FMN1: variants seen among roughly 807,000 people sequenced by gnomAD.
The protein encoded by FMN1 is formin-1.
Under a neutral mutation model 132.4 loss-of-function variants are expected in FMN1, and 110 were observed. That is an observed-to-expected ratio of 0.83 (90% CI 0.71 to 0.97). The LOEUF is 0.97. FMN1 is among the 50% of genes least tolerant of loss of function. FMN1 has a pLI of 0.00. For missense variants in FMN1, 1,792 were observed against 1,705.3 expected (o/e 1.05, Z -0.90); for synonymous variants, 722 against 651.7 (o/e 1.11, Z -1.64).
chr15:32,964,115 C>T lies in FMN1; in HGVS notation c.3130G>A (p.Val1044Ile). 2 of 1,609,044 alleles carry T rather than the reference C, an allele frequency of 1.2e-6. No homozygotes were observed. Among genetic ancestry groups the T allele is most frequent in the Non-Finnish European group, 1.7e-6 (2 of 1,177,844 alleles). The change falls in exon 9 of 21, where the codon GTC becomes ATC. Residue 1044 changes from valine to isoleucine, a missense_variant. Physicochemically the swap from Val to Ile is conservative, Grantham distance 29. Coordinates refer to ENST00000616417, the MANE Select transcript of FMN1 (RefSeq NM_001277313.2). ...CCATAATCACTCAGTACCTTTTTGA[C>T]CTTGTTTTTCTTCTCATAAGTCTCT... ...LSETYEKKNK[V>I]KKIIKLLDGK...
chr15:33,112,220 T>C (rs940311968), intron 4 of FMN1, among the ~76,000 whole-genome samples: 15 of 152,124 alleles, frequency 9.9e-5, no homozygotes, highest in African/African-American at 3.4e-4. Context: ...CCCTTAAAAT[T>C]ATAAAGGTAT....
chr15:32,932,256 T>A (rs2140390400), intron 9 of FMN1, among the ~76,000 whole-genome samples: 1 of 152,126 alleles, frequency 6.6e-6, no homozygotes, highest in South Asian at 2.1e-4. Context: ...AAAAATTAGC[T>A]GTGCATGGAG....
At position 32,891,069 on chromosome 15, in the gene FMN1, G is replaced by C. The variant is rs373833301; in HGVS notation, c.3715-2777C>G. 8.6e-4 allele frequency among the ~76,000 whole-genome samples: 131 copies of C among 152,128 alleles called. No individual in the cohort carries two copies. The South Asian group carries it at 0.026, about 30-fold the overall frequency. On this transcript the variant is annotated intron_variant, in intron 15 of 20. Coordinates refer to ENST00000616417, the MANE Select transcript of FMN1 (RefSeq NM_001277313.2). Reference sequence around the variant, plus strand: ...CTGTAAGTATTTGGGTTTATTTCTGGGTTTTCTGTTCTGTTCCATTGGTCT... The same window carrying C: ...CTGTAAGTATTTGGGTTTATTTCTGCGTTTTCTGTTCTGTTCCATTGGTCT...
At chr15:32,963,115 T>TC (rs578176278) in intron 9 of FMN1, among the ~76,000 whole-genome samples, 25 of 149,492 alleles carry the variant, frequency 1.7e-4, no homozygotes, top group Admixed American at 1.1e-3. Context: ...AATGATAGAC[T>TC]GGATTAAGAA....
At chr15:33,079,292 A>G (rs767530958) in intron 5 of FMN1, among the ~76,000 whole-genome samples, 5 of 152,246 alleles carry the variant, frequency 3.3e-5, no homozygotes, top group African/African-American at 1.2e-4. Context: ...AGGTGATGCA[A>G]TAATTTAGCC....
rs565072235 is a variant in FMN1 at position 32,936,704 on chromosome 15, G to C, written c.3139-10443C>G. ...GAAAGAAGGAAGGAAGGAGAAGAAA[G>C]AAGGAAAGGAAGGAAGGAGAAGAAG... On this transcript the variant is annotated intron_variant, in intron 9 of 20. Transcript: ENST00000616417. Among the ~76,000 whole-genome samples, 3 of 151,826 alleles carry C rather than the reference G, an allele frequency of 2.0e-5. No homozygotes were observed. The South Asian group carries it at 6.2e-4, about 32-fold the overall frequency.
chr15:32,823,228 C>G (rs1050458722), intron 17 of FMN1, among the ~76,000 whole-genome samples: 1 of 135,910 alleles, frequency 7.4e-6, no homozygotes, highest in African/African-American at 2.8e-5. Context: ...GTGGCTCAAT[C>G]TCGGCTCACT....
chr15:33,114,948 T>C (rs1261452825), intron 4 of FMN1, among the ~76,000 whole-genome samples: 1 of 152,168 alleles, frequency 6.6e-6, no homozygotes, highest in African/African-American at 2.4e-5. Context: ...AGGGGTCTGG[T>C]GGCTGGGCAG....
At chr15:33,167,290 T>C (rs1595592079) in intron 3 of FMN1, among the ~76,000 whole-genome samples, 1 of 152,234 alleles carries the variant, frequency 6.6e-6, no homozygotes, top group East Asian at 1.9e-4. Context: ...TAAATGGAAG[T>C]TCCCCTGTAC....
chr15:33,035,128 C>G (rs537401704), intron 6 of FMN1, among the ~76,000 whole-genome samples: 1 of 152,226 alleles, frequency 6.6e-6, no homozygotes, highest in East Asian at 1.9e-4. Flanking sequence ...TTGTGATACA[C>G]ATACATATGT....
At chr15:33,006,837 C>T (rs1367065464) in intron 7 of FMN1, among the ~76,000 whole-genome samples, 4 of 151,888 alleles carry the variant, frequency 2.6e-5, no homozygotes, top group African/African-American at 4.8e-5. Context: ...CTAAAAAAGT[C>T]GAACTCGCAG....
chr15:32,886,538 T>G (rs1397233465), intron 16 of FMN1, among the ~76,000 whole-genome samples: 1 of 152,182 alleles, frequency 6.6e-6, no homozygotes, highest in South Asian at 2.1e-4. Context: ...CGCCTCCCAG[T>G]TCACTCCTCT....
chr15:33,122,940 T>TTA (rs1458325056), intron 4 of FMN1, among the ~76,000 whole-genome samples: 3 of 152,086 alleles, frequency 2.0e-5, no homozygotes, highest in Admixed American at 1.3e-4. Flanking sequence ...GCTAAATGCT[T>TTA]TATATATACA....
chr15:32,990,767 G>A (rs186230051), intron 7 of FMN1, among the ~76,000 whole-genome samples: 474 of 152,238 alleles, frequency 3.1e-3, no homozygotes, highest in Middle Eastern at 6.8e-3. Context: ...ACTTACAGTC[G>A]TGGTGGAAGG....
chr15:33,117,706 TTAAC>T (rs969918248), intron 4 of FMN1, among the ~76,000 whole-genome samples: 5 of 22,020 alleles, frequency 2.3e-4, no homozygotes, highest in African/African-American at 2.6e-4. Flanking sequence ...TTACTAGAGA[TTAAC>T]TATTATCTAG....
intron 4 of FMN1, among the ~76,000 whole-genome samples, chr15:33,108,251 T>C (rs1387035749): frequency 1.3e-5 from 2 of 151,958 alleles, no homozygotes; most frequent in Non-Finnish European, 2.9e-5. Flanking sequence ...AAAGAAAAGA[T>C]ATGAAACTCA....
chr15:33,004,890 G>A (rs957384665), intron 7 of FMN1, among the ~76,000 whole-genome samples: 2 of 152,098 alleles, frequency 1.3e-5, no homozygotes, highest in African/African-American at 4.8e-5. Context: ...CCTTTGTAGG[G>A]ACATGGATGA....
chr15:33,193,494 C>T (rs1216047062), intron 2 of FMN1, among the ~76,000 whole-genome samples: 1 of 152,146 alleles, frequency 6.6e-6, no homozygotes, highest in Non-Finnish European at 1.5e-5. Flanking sequence ...CATATGCAAA[C>T]ATGAATAGTA....
intron 7 of FMN1, among the ~76,000 whole-genome samples, chr15:32,984,510 T>A (rs531937211): frequency 6.6e-6 from 1 of 152,202 alleles, no homozygotes; most frequent in South Asian, 2.1e-4. Flanking sequence ...ATATTTTTCA[T>A]GGGGAGAGAA....
Sources: allele counts gnomAD v4.1 joint callset (sites outside exome capture counted in the v4.1 genomes callset), GRCh38; gene constraint gnomAD v4.1.1; transcripts MANE v1.5; gene names NCBI Gene and HGNC (gene_info 2026-07-23, HGNC 2026-07-21).